The following CNTN1 variants were observed in gnomAD, a reference collection of about 807,000 sequenced individuals.
CNTN1 encodes contactin-1.
Under a neutral mutation model 126.4 loss-of-function variants are expected in CNTN1, and 38 were observed. That is an observed-to-expected ratio of 0.30 (90% CI 0.23 to 0.39). CNTN1 has a LOEUF of 0.39. Ranked by LOEUF, CNTN1 falls within the 10% of genes least tolerant of loss-of-function variation. The pLI is 1.00. For missense variants in CNTN1, 1,009 were observed against 1,248.4 expected (o/e 0.81, Z 2.89); for synonymous variants, 413 against 422.6 (o/e 0.98, Z 0.28).
intron 1 of CNTN1, among the ~76,000 whole-genome samples, chr12:40,761,887 G>A (rs1938876879): frequency 6.6e-6 from 1 of 151,894 alleles, no homozygotes; most frequent in African/African-American, 2.4e-5. Flanking sequence ...TGGCAATGCA[G>A]GATAACTGAT....
chr12:40,733,268 C>CT (rs1275502153), intron 1 of CNTN1, among the ~76,000 whole-genome samples: 1 of 151,842 alleles, frequency 6.6e-6, no homozygotes, highest in Admixed American at 6.6e-5. Context: ...CTGAATAAGG[C>CT]TATATTTTTT....
intron 1 of CNTN1, among the ~76,000 whole-genome samples, chr12:40,852,118 GT>G (rs562548180): frequency 5.3e-5 from 8 of 152,100 alleles, no homozygotes; most frequent in Non-Finnish European, 8.8e-5. Context: ...ACCAGTGAAG[GT>G]TAAGTTTCAG....
chr12:40,753,867 T>C (rs1938497139), intron 1 of CNTN1, among the ~76,000 whole-genome samples: 2 of 152,184 alleles, frequency 1.3e-5, no homozygotes, highest in Non-Finnish European at 2.9e-5. Flanking sequence ...TTACATGTTC[T>C]TCAATATTAT....
At chr12:40,709,126 A>G (rs962257208) in intron 1 of CNTN1, among the ~76,000 whole-genome samples, 1 of 152,194 alleles carries the variant, frequency 6.6e-6, no homozygotes, top group Non-Finnish European at 1.5e-5. Flanking sequence ...AATAAAAAAA[A>G]CTTGAAAGTC....
intron 1 of CNTN1, among the ~76,000 whole-genome samples, chr12:40,896,293 T>C (rs551510384): frequency 1.1e-4 from 17 of 152,184 alleles, no homozygotes; most frequent in African/African-American, 4.1e-4. Flanking sequence ...TAAGGTATGT[T>C]TTTTTTTCCC....
intron 14 of CNTN1, 25 bp from the exon 15 acceptor site, chr12:40,959,089 G>C: frequency 1.2e-6 from 2 of 1,611,484 alleles, no homozygotes; most frequent in South Asian, 2.2e-5. Flanking sequence ...GTACTGATTT[G>C]AATAATTGCT....
chr12:40,906,891 T>C (rs1435485052), intron 1 of CNTN1, among the ~76,000 whole-genome samples: 2 of 152,058 alleles, frequency 1.3e-5, no homozygotes, highest in African/African-American at 4.8e-5. Flanking sequence ...TTGGTCAGGC[T>C]GGTCTCGAAC....
chr12:40,920,157 T>C (rs1334666457), intron 4 of CNTN1, among the ~76,000 whole-genome samples: 4 of 152,212 alleles, frequency 2.6e-5, no homozygotes, highest in Non-Finnish European at 4.4e-5. Context: ...GTGACACTTA[T>C]GCTGTGACAC....
intron 23 of CNTN1, among the ~76,000 whole-genome samples, chr12:41,046,568 T>C (rs962249582): frequency 5.3e-5 from 8 of 152,118 alleles, no homozygotes; most frequent in Admixed American, 2.0e-4. Flanking sequence ...AAAAACTCTA[T>C]GTATTATATT....
intron 1 of CNTN1, among the ~76,000 whole-genome samples, chr12:40,785,833 G>A (rs190578360): frequency 9.2e-4 from 140 of 152,246 alleles, no homozygotes; most frequent in African/African-American, 3.2e-3. Flanking sequence ...TAAACAACCA[G>A]ATCTCACATT....
intron 1 of CNTN1, among the ~76,000 whole-genome samples, chr12:40,782,098 A>C (rs973357613): frequency 3.3e-5 from 5 of 151,988 alleles, no homozygotes; most frequent in African/African-American, 1.2e-4. Context: ...AATTTGAGTG[A>C]AACCATCCCC....
At chr12:41,027,800 A>G in intron 21 of CNTN1, 57 bp from the exon 22 acceptor site, 2 of 999,806 alleles carry the variant, frequency 2.0e-6, no homozygotes, top group Non-Finnish European at 3.2e-6. Context: ...GCAATAGAGT[A>G]TGCAGAATTG....
chr12:40,998,610 C>G (rs1948278854), intron 17 of CNTN1, among the ~76,000 whole-genome samples: 1 of 151,950 alleles, frequency 6.6e-6, no homozygotes. Context: ...AAGAACTATT[C>G]TCATTTTAAT....
chr12:40,936,836 T>C lies in CNTN1; in HGVS notation c.1041T>C (p.Asp347=), dbSNP rs1401708699. Residue 347 remains aspartate (D), a synonymous_variant, in exon 10 of 24, where the codon GAT becomes GAC. Coordinates refer to ENST00000551295, the MANE Select transcript of CNTN1 (RefSeq NM_001843.4). ...ACACAGAGGTGGACATAGGCAGTGA[T>C]CTCTACTGGCCTTGTGTGGCCACAG... ...INDTEVDIGS[D]LYWPCVATGK... 5 of 1,613,268 alleles carry C rather than the reference T, an allele frequency of 3.1e-6. No individual in the cohort carries two copies. The highest frequency in any genetic ancestry group is 4.2e-6 in the Non-Finnish European group (5 of 1,179,470).
chr12:41,008,413 T>A (rs926969580), intron 17 of CNTN1, among the ~76,000 whole-genome samples: 4 of 152,172 alleles, frequency 2.6e-5, no homozygotes, highest in Non-Finnish European at 5.9e-5. Context: ...AACATTTTTT[T>A]TTCTTTGAGA....
rs1267267961 is a variant in CNTN1 at position 40,790,387 on chromosome 12, C to T, written c.-77+97795C>T. Among the ~76,000 whole-genome samples, 4 of 152,116 alleles carry T rather than the reference C, an allele frequency of 2.6e-5. No homozygotes were observed. The East Asian group carries it at 5.8e-4, about 22-fold the overall frequency. On this transcript the variant is annotated intron_variant, in intron 1 of 23. Transcript: ENST00000551295. ...TGTTACCACCTTTATGATATGATCA[C>T]TTCATTCTACCAGAAGAGCTCTTAG...
intron 6 of CNTN1, among the ~76,000 whole-genome samples, chr12:40,924,881 C>CATATATATATATTTATATATATAT: frequency 8.9e-6 from 1 of 112,126 alleles, no homozygotes; most frequent in African/African-American, 3.4e-5. Context: ...AGTTTATAAA[C>CATATATATATATTTATATATATAT]ATATATATAT....
rs2304818 is a variant in CNTN1 at position 40,922,579 on chromosome 12, A to C, written c.400+151A>C. On this transcript the variant is annotated intron_variant, in intron 5 of 23. Transcript: ENST00000551295. ...CCCTAATTGTGTAATGGAGACAACA[A>C]AGCACCACAAGGCATACTATGAATG... 0.063 allele frequency: 46,124 copies of C among 727,022 alleles called. 3,038 individuals are homozygous for C. The highest frequency in any genetic ancestry group is 0.23 in the Admixed American group (11,333 of 49,214). 45.0% of individuals were successfully genotyped at this position (727,022 alleles called of 1,614,324 possible). A position where few individuals can be genotyped will look rare whatever the true frequency, so the allele number is the denominator to read the frequency against.
At chr12:40,783,775 A>G (rs1034401361) in intron 1 of CNTN1, among the ~76,000 whole-genome samples, 1 of 152,168 alleles carries the variant, frequency 6.6e-6, no homozygotes, top group Non-Finnish European at 1.5e-5. Flanking sequence ...TATGCTAGAA[A>G]TTCATTTTGA....
Sources: allele counts gnomAD v4.1 joint callset (sites outside exome capture counted in the v4.1 genomes callset), GRCh38; gene constraint gnomAD v4.1.1; transcripts MANE v1.5; gene names NCBI Gene and HGNC (gene_info 2026-07-23, HGNC 2026-07-21).